PRIM2: variants seen among roughly 807,000 people sequenced by gnomAD.
The protein encoded by PRIM2 is DNA primase subunit 2.
Under a neutral mutation model 67.3 loss-of-function variants are expected in PRIM2, and 39 were observed. That is an observed-to-expected ratio of 0.58 (90% CI 0.45 to 0.76). The LOEUF is 0.76. Among genes scored for constraint, PRIM2 ranks in the 30% least tolerant of loss-of-function variants. PRIM2 has a pLI of 0.00. For missense variants in PRIM2, 398 were observed against 598.7 expected (o/e 0.66, Z 3.50); for synonymous variants, 143 against 198.7 (o/e 0.72, Z 2.36).
At chr6:57,519,358 C>G (rs1774559794) in intron 8 of PRIM2, among the ~76,000 whole-genome samples, 2 of 152,176 alleles carry the variant, frequency 1.3e-5, no homozygotes, top group South Asian at 4.1e-4. Flanking sequence ...AGACTGGGGT[C>G]TATTTCACCC....
At chr6:57,571,027 A>G (rs1365194352) in intron 10 of PRIM2, among the ~76,000 whole-genome samples, 1 of 152,182 alleles carries the variant, frequency 6.6e-6, no homozygotes, top group Non-Finnish European at 1.5e-5. Flanking sequence ...ACATAATGAT[A>G]AAACAGTAAA....
At chr6:57,436,689 C>T (rs1466628464) in intron 7 of PRIM2, among the ~76,000 whole-genome samples, 2 of 152,074 alleles carry the variant, frequency 1.3e-5, no homozygotes, top group South Asian at 4.2e-4. Context: ...AAGATTTAAC[C>T]CTTTTTTGTT....
At chr6:57,393,395 C>T (rs1770422410) in intron 7 of PRIM2, among the ~76,000 whole-genome samples, 2 of 152,034 alleles carry the variant, frequency 1.3e-5, no homozygotes, top group East Asian at 1.9e-4. Context: ...TTTGCATTTC[C>T]CTGATCATTA....
At chr6:57,450,423 A>G (rs113412170) in intron 7 of PRIM2, among the ~76,000 whole-genome samples, 2 of 152,288 alleles carry the variant, frequency 1.3e-5, no homozygotes, top group African/African-American at 4.8e-5. Flanking sequence ...GTGCTCTTTG[A>G]TTCTTGTCTC....
At chr6:57,492,845 T>G (rs1367628282) in intron 7 of PRIM2, among the ~76,000 whole-genome samples, 1 of 152,174 alleles carries the variant, frequency 6.6e-6, no homozygotes, top group African/African-American at 2.4e-5. Context: ...TTGAGCAACT[T>G]AAGAACTGCC....
intron 7 of PRIM2, among the ~76,000 whole-genome samples, chr6:57,468,184 G>A (rs1339016182): frequency 0.53 from 81,109 of 151,926 alleles, 22,235 homozygotes; most frequent in South Asian, 0.64. Context: ...GAATGGTGAG[G>A]GAAGGCATCC....
At chr6:57,236,596 T>C in the PRIM2 span, among the ~76,000 whole-genome samples, 4 of 152,072 alleles carry the variant, frequency 2.6e-5, no homozygotes, top group South Asian at 8.3e-4. Context: ...CCCTGGTGTG[T>C]GATGTTCCCC....
the PRIM2 span, among the ~76,000 whole-genome samples, chr6:57,264,522 C>T: frequency 6.6e-6 from 1 of 151,540 alleles, no homozygotes. Flanking sequence ...TCATTGAATA[C>T]ACTGGTAAAC....
intron 5 of PRIM2, among the ~76,000 whole-genome samples, chr6:57,357,990 T>G (rs917822108): frequency 3.2e-4 from 49 of 152,316 alleles, no homozygotes; most frequent in African/African-American, 1.2e-3. Flanking sequence ...ATATGGTGTT[T>G]ATTACCTAAC....
chr6:57,498,516 A>C (rs1276581902), intron 7 of PRIM2, among the ~76,000 whole-genome samples: 2 of 152,196 alleles, frequency 1.3e-5, no homozygotes, highest in Admixed American at 6.5e-5. Context: ...AGAGAATACT[A>C]TTCTGGTTCT....
chr6:57,451,818 C>T (rs1277438030), intron 7 of PRIM2, among the ~76,000 whole-genome samples: 2 of 149,208 alleles, frequency 1.3e-5, no homozygotes, highest in East Asian at 2.0e-4. Context: ...TTTTAGGGTA[C>T]ATGTGCACTA....
At chr6:57,604,982 G>A (rs1474222807) in intron 11 of PRIM2, among the ~76,000 whole-genome samples, 3 of 152,160 alleles carry the variant, frequency 2.0e-5, no homozygotes, top group African/African-American at 4.8e-5. Flanking sequence ...GAGCCACCGC[G>A]CTTGGCCAGG....
intron 12 of PRIM2, among the ~76,000 whole-genome samples, chr6:57,621,088 G>A (rs1776844651): frequency 6.6e-6 from 1 of 152,126 alleles, no homozygotes; most frequent in Admixed American, 6.5e-5. Flanking sequence ...TTTTGGTAGT[G>A]TACTTAGTCT....
chr6:57,233,877 GGACTCA>G, the PRIM2 span, among the ~76,000 whole-genome samples: 1 of 151,948 alleles, frequency 6.6e-6, no homozygotes, highest in Non-Finnish European at 1.5e-5. Flanking sequence ...TGCCCAGGCT[GGACTCA>G]ATCTCCTGGG....
At chr6:57,317,353 G>A (rs2127265756), upstream of PRIM2, among the ~76,000 whole-genome samples, 1 of 152,262 alleles carries the variant, frequency 6.6e-6, no homozygotes, top group African/African-American at 2.4e-5. Flanking sequence ...AATTTTCGGC[G>A]TGTGGGAGTT....
In PRIM2 at chr6:57,486,016, T is replaced by C. The variant is rs1387109628; in HGVS notation, c.694-21371T>C. Among the ~76,000 whole-genome samples the C allele has an allele frequency of 9.1e-4, 138 of 152,180 alleles. 1 individual carries two copies. Among genetic ancestry groups the C allele is most frequent in the African/African-American group, 3.0e-3 (123 of 41,502 alleles). On this transcript the variant is annotated intron_variant, in intron 7 of 13. Coordinates refer to ENST00000615550, the MANE Select transcript of PRIM2 (RefSeq NM_000947.5). ...AATTTCTTGGAAGGTTCTTAAGAGA[T>C]GGAAAAGTTAAATAGGTGTTTGGCA... is the stretch of plus-strand genomic sequence containing the variant.
At chr6:57,310,516 C>T (rs1054797657), upstream of PRIM2, among the ~76,000 whole-genome samples, 15 of 152,244 alleles carry the variant, frequency 9.9e-5, 1 homozygote, top group African/African-American at 3.6e-4. Flanking sequence ...CTTTTCTTTT[C>T]GACAAAACCA....
At chr6:57,382,386 A>G in intron 7 of PRIM2, 1 of 422,540 alleles carries the variant, frequency 2.4e-6, no homozygotes, top group Non-Finnish European at 4.1e-6. Context: ...TGATCCTACT[A>G]ATACCAATGC....
intron 7 of PRIM2, among the ~76,000 whole-genome samples, chr6:57,427,011 T>C (rs1771654602): frequency 6.6e-6 from 1 of 152,212 alleles, no homozygotes; most frequent in African/African-American, 2.4e-5. Context: ...TTGAAAATGT[T>C]GTCCAGCTAT....
Sources: gnomAD v4.1 joint callset for allele counts (sites outside exome capture counted in the v4.1 genomes callset) on GRCh38, gnomAD v4.1.1 for gene constraint, MANE v1.5 for transcripts, NCBI Gene and HGNC (gene_info 2026-07-23, HGNC 2026-07-21) for gene names.